CLEC2A: variants seen among roughly 807,000 people sequenced by gnomAD.
The protein encoded by CLEC2A is keratinocyte-associated C-type lectin.
In CLEC2A, 19 loss-of-function variants were observed where a neutral mutation model predicts 18.6. The observed-to-expected ratio is 1.02, with a 90% CI of 0.71 to 1.50. The LOEUF is 1.50. CLEC2A is among the 40% of genes most tolerant of loss of function. The pLI, the probability that CLEC2A is intolerant of heterozygous loss-of-function variation, is 0.00. For missense variants in CLEC2A, 190 were observed against 207.9 expected (o/e 0.91, Z 0.53); for synonymous variants, 74 against 64.0 (o/e 1.16, Z -0.75).
chr12:9,912,340 G>A (rs1053186296), downstream of CLEC2A, among the ~76,000 whole-genome samples: 1 of 152,088 alleles, frequency 6.6e-6, no homozygotes, highest in Non-Finnish European at 1.5e-5. Flanking sequence ...ATGGAGGGGA[G>A]GCAGAGTGAG....
chr12:9,924,563 A>T (rs1026395944), intron 2 of CLEC2A, among the ~76,000 whole-genome samples: 1 of 151,572 alleles, frequency 6.6e-6, no homozygotes, highest in African/African-American at 2.4e-5. Flanking sequence ...AGTGCTGGGG[A>T]CTATTTGGCC....
chr12:9,921,657 G>T (rs568104534), intron 3 of CLEC2A, among the ~76,000 whole-genome samples: 97 of 152,236 alleles, frequency 6.4e-4, no homozygotes, highest in Admixed American at 1.2e-3. Context: ...CTGTTGACTG[G>T]AAGTCTTACT....
downstream of CLEC2A, among the ~76,000 whole-genome samples, chr12:9,894,210 C>T (rs1350561685): frequency 6.8e-6 from 1 of 146,618 alleles, no homozygotes; most frequent in Non-Finnish European, 1.5e-5. Flanking sequence ...TCAGCAGAGC[C>T]TTGCTCTGTG....
At chr12:9,910,902 G>C (rs1412654154), downstream of CLEC2A, among the ~76,000 whole-genome samples, 2 of 152,120 alleles carry the variant, frequency 1.3e-5, no homozygotes, top group Non-Finnish European at 2.9e-5. Flanking sequence ...TCCCTGATGA[G>C]CCCCTATGAT....
chr12:9,909,308 T>C (rs1482381275), downstream of CLEC2A, among the ~76,000 whole-genome samples: 3 of 152,212 alleles, frequency 2.0e-5, no homozygotes, highest in African/African-American at 7.2e-5. Context: ...TATGTTGTTA[T>C]TGTCCCACCA....
At chr12:9,928,359 C>G (rs183170795) in intron 1 of CLEC2A, among the ~76,000 whole-genome samples, 20 of 152,034 alleles carry the variant, frequency 1.3e-4, no homozygotes, top group African/African-American at 4.8e-4. Flanking sequence ...CCCAGCTACT[C>G]GGGAGGTTGA....
At chr12:9,909,916 T>A (rs1045105211), downstream of CLEC2A, among the ~76,000 whole-genome samples, 1 of 151,984 alleles carries the variant, frequency 6.6e-6, no homozygotes, top group Non-Finnish European at 1.5e-5. Flanking sequence ...GGGGATCCCA[T>A]GTGTTGATGG....
intron 4 of CLEC2A, among the ~76,000 whole-genome samples, chr12:9,905,396 T>G (rs934278295): frequency 6.6e-5 from 10 of 152,218 alleles, no homozygotes; most frequent in Non-Finnish European, 1.5e-4. Context: ...TCTGTGCTAA[T>G]AGGCCTTTAG....
the CLEC2A span, among the ~76,000 whole-genome samples, chr12:9,883,468 A>G: frequency 0.015 from 2,328 of 152,326 alleles, 59 homozygotes; most frequent in African/African-American, 0.053. Context: ...CATGGCTTAC[A>G]TGAAAATATT....
chr12:9,912,840 C>A (rs1474543413), downstream of CLEC2A, among the ~76,000 whole-genome samples: 1 of 152,170 alleles, frequency 6.6e-6, no homozygotes, highest in Non-Finnish European at 1.5e-5. Context: ...TTCTCCCGGG[C>A]ACTGCTTCCC....
At chr12:9,928,490 A>G (rs1476282632) in intron 1 of CLEC2A, among the ~76,000 whole-genome samples, 3 of 151,916 alleles carry the variant, frequency 2.0e-5, no homozygotes, top group African/African-American at 4.8e-5. Flanking sequence ...AGAAAGAAAG[A>G]AGAAGGAAAG....
intron 4 of CLEC2A, among the ~76,000 whole-genome samples, chr12:9,915,737 A>G (rs1591791336): frequency 6.6e-6 from 1 of 152,184 alleles, no homozygotes; most frequent in African/African-American, 2.4e-5. Context: ...GCATTAGGAC[A>G]AACAGCTAAT....
At position 9,922,100 on chromosome 12, in the gene CLEC2A, G is replaced by C. The variant is rs1376817921; in HGVS notation, c.272C>G (p.Ala91Gly). The C allele has an allele frequency of 6.5e-7, 1 of 1,549,952 alleles. No individual in the cohort carries two copies. The highest frequency in any genetic ancestry group is 2.4e-5 in the East Asian group (1 of 40,876). The change falls in exon 3 of 5, where the codon GCA becomes GGA. Residue 91 changes from alanine (A) to glycine (G), a missense_variant. By Grantham distance (60) the Ala-to-Gly change is moderately conservative. Transcript: ENST00000455827. ...ASKIFCSLQK[A>G]ELAQIDTQED... ...TTGTGTATCAATCTGAGCAAGTTCT[G>C]CTTTCTGCAAACTACAAAATATTTT...
intron 4 of CLEC2A, among the ~76,000 whole-genome samples, chr12:9,915,779 T>G (rs1473144417): frequency 1.3e-5 from 2 of 152,174 alleles, no homozygotes; most frequent in African/African-American, 2.4e-5. Flanking sequence ...GATGATGGAT[T>G]GGTAGGTGCA....
intron 3 of CLEC2A, among the ~76,000 whole-genome samples, chr12:9,917,316 C>G (rs1020122557): frequency 6.6e-6 from 1 of 152,068 alleles, no homozygotes; most frequent in African/African-American, 2.4e-5. Context: ...TTTCATCACC[C>G]AAGTATTAAG....
chr12:9,916,811 A>G lies in CLEC2A; in HGVS notation c.307-8T>C. The stretch of plus-strand genomic sequence containing the variant: ...GTACCTCTTCAAAAATTCCTTTCAC[A>G]AAACAAAGGGAATCAGCGATTACTT... On this transcript the variant is annotated splice_polypyrimidine_tract_variant and splice_region_variant and intron_variant, in intron 3 of 4. Coordinates refer to ENST00000455827, the MANE Select transcript of CLEC2A (RefSeq NM_001130711.2). The G allele has an allele frequency of 1.3e-6, 2 of 1,515,384 alleles. No homozygotes were observed. The highest frequency in any genetic ancestry group is 1.2e-5 in the South Asian group (1 of 83,300). 93.9% of individuals were successfully genotyped at this position (1,515,384 alleles called of 1,614,324 possible). A position where few individuals can be genotyped will look rare whatever the true frequency, so the allele number is the denominator to read the frequency against.
chr12:9,922,745 AG>A (rs1347574208), intron 2 of CLEC2A, among the ~76,000 whole-genome samples: 3 of 152,350 alleles, frequency 2.0e-5, no homozygotes, highest in African/African-American at 7.2e-5. Context: ...TAATAATGAA[AG>A]CACATTGTTT....
chr12:9,920,786 G>A (rs1398984385), intron 3 of CLEC2A, among the ~76,000 whole-genome samples: 1 of 151,942 alleles, frequency 6.6e-6, no homozygotes, highest in Admixed American at 6.6e-5. Context: ...CTCCTTCTTT[G>A]CCCTCTTTAC....
intron 2 of CLEC2A, among the ~76,000 whole-genome samples, chr12:9,924,074 A>T (rs1863222694): frequency 6.6e-6 from 1 of 152,076 alleles, no homozygotes; most frequent in African/African-American, 2.4e-5. Flanking sequence ...TGTAACACAA[A>T]CCTGCACATT....
Sources: allele counts gnomAD v4.1 joint callset (sites outside exome capture counted in the v4.1 genomes callset), GRCh38; gene constraint gnomAD v4.1.1; transcripts MANE v1.5; gene names NCBI Gene and HGNC (gene_info 2026-07-23, HGNC 2026-07-21).